CHRM3: variants seen among roughly 807,000 people sequenced by gnomAD.
CHRM3 encodes cholinergic receptor muscarinic 3.
In CHRM3, 11 loss-of-function variants were observed where a neutral mutation model predicts 41.8. The observed-to-expected ratio is 0.26, with a 90% CI of 0.17 to 0.44. The LOEUF (loss-of-function observed/expected upper bound fraction) is 0.44, where lower values mean the gene tolerates loss of function less well. Among genes scored for constraint, CHRM3 ranks in the 20% least tolerant of loss-of-function variants. The probability of loss-of-function intolerance (pLI) is 1.00; values close to 1 mark genes in which losing one functional copy is unlikely to be tolerated. For synonymous variants in CHRM3, 297 were observed against 301.4 expected (o/e 0.99, Z 0.15); for missense variants, 571 against 745.4 (o/e 0.77, Z 2.72).
At chr1:239,426,246 G>A (rs1045175264) in intron 1 of CHRM3, among the ~76,000 whole-genome samples, 5 of 147,170 alleles carry the variant, frequency 3.4e-5, no homozygotes, top group Admixed American at 1.4e-4. Context: ...CTGTTCGTGG[G>A]ACTGTAAACT....
At chr1:239,822,849 C>A (rs1672161627) in intron 5 of CHRM3, among the ~76,000 whole-genome samples, 1 of 152,110 alleles carries the variant, frequency 6.6e-6, no homozygotes, top group South Asian at 2.1e-4. Flanking sequence ...TGCATCATTA[C>A]CCAAGTAATA....
chr1:239,829,924 T>G (rs1300807004), intron 6 of CHRM3, among the ~76,000 whole-genome samples: 2 of 152,194 alleles, frequency 1.3e-5, no homozygotes, highest in Admixed American at 1.3e-4. Flanking sequence ...TTATAATTAC[T>G]ATTTTTGTCT....
chr1:239,397,197 G>A (rs901250332), intron 1 of CHRM3, among the ~76,000 whole-genome samples: 3 of 152,078 alleles, frequency 2.0e-5, no homozygotes, highest in South Asian at 2.1e-4. Context: ...ATTTGATGAC[G>A]TGAACTCTCA....
intron 1 of CHRM3, among the ~76,000 whole-genome samples, chr1:239,432,287 G>GT (rs879466036): frequency 5.9e-5 from 9 of 152,238 alleles, no homozygotes; most frequent in Non-Finnish European, 1.2e-4. Flanking sequence ...GAAACAGCAT[G>GT]TTTTTTGTTG....
intron 6 of CHRM3, chr1:239,886,044 T>G (rs972830017): frequency 6.6e-6 from 1 of 152,200 alleles, no homozygotes; most frequent in Admixed American, 6.5e-5. Flanking sequence ...TAATACCACA[T>G]AAGCTGCTCT....
intron 5 of CHRM3, among the ~76,000 whole-genome samples, chr1:239,755,155 G>T (rs1170863992): frequency 6.6e-6 from 1 of 152,042 alleles, no homozygotes; most frequent in Non-Finnish European, 1.5e-5. Context: ...TATTACCCAG[G>T]TTAAAGATTC....
chr1:239,427,534 C>G (rs1320004355), intron 1 of CHRM3, among the ~76,000 whole-genome samples: 1 of 152,016 alleles, frequency 6.6e-6, no homozygotes, highest in African/African-American at 2.4e-5. Context: ...CTCTTGCCAC[C>G]ATCTTATTTT....
intron 2 of CHRM3, among the ~76,000 whole-genome samples, chr1:239,499,011 T>A (rs1668053354): frequency 6.6e-6 from 1 of 152,196 alleles, no homozygotes; most frequent in African/African-American, 2.4e-5. Flanking sequence ...TTAATTTTTA[T>A]AATCTTGTTA....
At chr1:239,868,337 AT>A (rs906791101) in intron 6 of CHRM3, among the ~76,000 whole-genome samples, 5 of 152,102 alleles carry the variant, frequency 3.3e-5, no homozygotes, top group African/African-American at 7.2e-5. Context: ...TAAATAGCAC[AT>A]TTACTCGTTC....
intron 1 of CHRM3, among the ~76,000 whole-genome samples, chr1:239,419,012 G>A (rs1275159477): frequency 1.3e-5 from 2 of 152,114 alleles, no homozygotes; most frequent in Admixed American, 6.6e-5. Context: ...AGATATCCCT[G>A]TTTCTAGATG....
intron 6 of CHRM3, among the ~76,000 whole-genome samples, chr1:239,892,292 T>TATTA (rs1276171754): frequency 1.2e-4 from 18 of 152,348 alleles, no homozygotes; most frequent in African/African-American, 4.3e-4. Context: ...GTAGACATTT[T>TATTA]ATTATTATTT....
At chr1:239,580,301 C>T (rs12094183) in intron 3 of CHRM3, among the ~76,000 whole-genome samples, 26,006 of 139,100 alleles carry the variant, frequency 0.19, 2,838 homozygotes, top group African/African-American at 0.34. Context: ...CACACACACA[C>T]ACACACATCA....
chr1:239,574,554 C>T (rs1342578876), intron 3 of CHRM3, among the ~76,000 whole-genome samples: 3 of 152,088 alleles, frequency 2.0e-5, no homozygotes, highest in Non-Finnish European at 4.4e-5. Context: ...AGCAGCCTGT[C>T]CTCCTTCCTT....
At chr1:239,500,591 A>G (rs1275285431) in intron 2 of CHRM3, among the ~76,000 whole-genome samples, 3 of 152,116 alleles carry the variant, frequency 2.0e-5, no homozygotes, top group Non-Finnish European at 4.4e-5. Flanking sequence ...TGTTGTGCAC[A>G]TGTACCCTAA....
At position 239,688,252 on chromosome 1, in the gene CHRM3, A is replaced by G. The variant is rs945969364; in HGVS notation, c.-147+9964A>G. 2.0e-5 allele frequency among the ~76,000 whole-genome samples: 3 copies of G among 147,800 alleles called. No individual in the cohort carries two copies. The Admixed American group carries it at 2.0e-4, about 10-fold the overall frequency. On this transcript the variant is annotated intron_variant, in intron 5 of 6. Coordinates refer to ENST00000676153, the MANE Select transcript of CHRM3 (RefSeq NM_001375978.1). ...ATATGTATTATATAATCTATTATTAAATAATATATAATACATATATACACA... is the reference window on the plus strand; with the variant it reads ...ATATGTATTATATAATCTATTATTAGATAATATATAATACATATATACACA...
chr1:239,442,916 G>A (rs1663843775), intron 1 of CHRM3, among the ~76,000 whole-genome samples: 1 of 152,198 alleles, frequency 6.6e-6, no homozygotes, highest in East Asian at 1.9e-4. Context: ...GTGTTATGGG[G>A]TAGAAGGAAC....
intron 5 of CHRM3, among the ~76,000 whole-genome samples, chr1:239,797,996 C>A (rs2148902366): frequency 6.6e-6 from 1 of 152,244 alleles, no homozygotes; most frequent in South Asian, 2.1e-4. Context: ...CTGCAGTGAG[C>A]TGTGATTGCA....
rs1553274119 is a variant in CHRM3, at chr1:239,813,927, A to AAAAAAAAC, written c.-146-13324_-146-13317dup. Among the ~76,000 whole-genome samples the AAAAAAAAC allele has an allele frequency of 4.0e-5, 6 of 149,278 alleles. 1 individual carries two copies. Among genetic ancestry groups the AAAAAAAAC allele is most frequent in the African/African-American group, 1.5e-4 (6 of 39,350 alleles). ...GCGAGACTCCGTCTCAAAAAAAAAAAAAAAAAACTCACAGTTGTAGACTGC... is the reference window on the plus strand; with the variant it reads ...GCGAGACTCCGTCTCAAAAAAAAAAAAAAAAAACAAAAAAACTCACAGTTGTAGACTGC... On this transcript the variant is annotated intron_variant, in intron 5 of 6. Coordinates refer to ENST00000676153, the MANE Select transcript of CHRM3 (RefSeq NM_001375978.1).
chr1:239,877,930 G>A (rs566427329), intron 6 of CHRM3, among the ~76,000 whole-genome samples: 21 of 146,702 alleles, frequency 1.4e-4, no homozygotes, highest in Middle Eastern at 3.5e-3. Context: ...TCGCTCTATC[G>A]CCCAGGCTGG....
Sources: allele counts gnomAD v4.1 joint callset (sites outside exome capture counted in the v4.1 genomes callset), GRCh38; gene constraint gnomAD v4.1.1; transcripts MANE v1.5; gene names NCBI Gene and HGNC (gene_info 2026-07-23, HGNC 2026-07-21).